The following DPH6 variants were observed in gnomAD, a reference collection of about 807,000 sequenced individuals.
DPH6 encodes diphthine--ammonia ligase.
A neutral mutation model predicts 38.2 loss-of-function variants in DPH6; 33 were observed. The observed-to-expected ratio is 0.86, with a 90% CI of 0.65 to 1.15. The LOEUF (loss-of-function observed/expected upper bound fraction) is 1.15. DPH6 is among the 50% of genes most tolerant of loss of function. DPH6 has a pLI of 0.00. For missense variants in DPH6, 325 were observed against 320.0 expected (o/e 1.02, Z -0.12); for synonymous variants, 108 against 103.0 (o/e 1.05, Z -0.30).
chr15:35,485,662 G>A (rs1018177443), intron 3 of DPH6, among the ~76,000 whole-genome samples: 13 of 152,118 alleles, frequency 8.5e-5, no homozygotes, highest in Admixed American at 2.6e-4. Context: ...TATTTTCCCT[G>A]TGTCAAAGTC....
chr15:35,479,826 C>T lies in DPH6; in HGVS notation c.313-25006G>A, dbSNP rs192825666. On this transcript the variant is annotated intron_variant, in intron 3 of 8. Coordinates refer to ENST00000256538, the MANE Select transcript of DPH6 (RefSeq NM_080650.4). ...TAACAGATTATTTAAATAAAAAGCACGATTTACACATATTAAAAATTCTAA... is the reference window on the plus strand; with the variant it reads ...TAACAGATTATTTAAATAAAAAGCATGATTTACACATATTAAAAATTCTAA... Among the ~76,000 whole-genome samples, 73 of 151,958 alleles carry T rather than the reference C, an allele frequency of 4.8e-4. 1 individual carries two copies. In the East Asian group the frequency reaches 8.5e-3, roughly 18 times the overall value.
chr15:35,233,808 C>T (rs1177019879), intron 3 of DPH6, among the ~76,000 whole-genome samples: 2 of 152,228 alleles, frequency 1.3e-5, no homozygotes, highest in Admixed American at 6.5e-5. Flanking sequence ...TTTATTCCTA[C>T]TTCTTGCAGT....
the DPH6 span, among the ~76,000 whole-genome samples, chr15:35,190,765 C>T: frequency 8.9e-4 from 135 of 152,318 alleles, 1 homozygote; most frequent in African/African-American, 3.1e-3. Flanking sequence ...AAACTGTAAA[C>T]TAAATTCCTC....
At chr15:35,373,316 T>G (rs1595507509) in intron 8 of DPH6, among the ~76,000 whole-genome samples, 1 of 151,970 alleles carries the variant, frequency 6.6e-6, no homozygotes, top group African/African-American at 2.4e-5. Context: ...TTCATAAATG[T>G]AGTATCTTTT....
intron 3 of DPH6, among the ~76,000 whole-genome samples, chr15:35,343,880 G>A (rs1207790408): frequency 1.3e-5 from 2 of 151,978 alleles, no homozygotes; most frequent in East Asian, 3.9e-4. Context: ...TCTAACATTT[G>A]TTTCACATGT....
At chr15:35,358,044 T>G (rs985853943) in intron 3 of DPH6, among the ~76,000 whole-genome samples, 1 of 152,076 alleles carries the variant, frequency 6.6e-6, no homozygotes, top group Admixed American at 6.5e-5. Flanking sequence ...GGTTGTTTAA[T>G]GTAATCCCAG....
chr15:35,542,312 G>GT, intron 2 of DPH6, 101 bp downstream of exon 2: 2 of 984,670 alleles, frequency 2.0e-6, no homozygotes, highest in South Asian at 4.3e-5. Context: ...ATATTTATTG[G>GT]TTCTTTTTTT....
At position 35,373,565 on chromosome 15, in the gene DPH6, G is replaced by T; in HGVS notation, c.706C>A (p.Pro236Thr). Reference sequence around the variant, plus strand: ...TCTAAAAAGCGTAGATAAGCCACAGGTGCAAATGCATCAGCTGAATGTATG... The same window carrying T: ...TCTAAAAAGCGTAGATAAGCCACAGTTGCAAATGCATCAGCTGAATGTATG... ...VVIHSADAFA[P>T]VAYLRFLELH... Residue 236 changes from proline to threonine, a missense_variant, in exon 8 of 9, where the codon CCT becomes ACT. Transcript: ENST00000256538. 1 of 1,608,748 alleles carries T rather than the reference G, an allele frequency of 6.2e-7. No individual in the cohort carries two copies. The highest frequency in any genetic ancestry group is 1.7e-5 in the Admixed American group (1 of 59,096).
rs182638822 is a variant in DPH6 at position 35,243,434 on chromosome 15, T to C, written n.201-22852A>G. Among the ~76,000 whole-genome samples, 705 of 143,606 alleles carry C rather than the reference T, an allele frequency of 4.9e-3. 69 individuals are homozygous for C. Among genetic ancestry groups the C allele is most frequent in the African/African-American group, 0.017 (680 of 39,634 alleles). The allele number at this position is 143,606 out of a possible 152,430, so 94.2% of individuals were successfully genotyped here. A position where few individuals can be genotyped will look rare whatever the true frequency, so the allele number is the denominator to read the frequency against. ...GGCCTCTGAGCCCAAGCCAAGCCATTGCATCCCCTGTGACTTGCACGTATA... is the reference window on the plus strand; with the variant it reads ...GGCCTCTGAGCCCAAGCCAAGCCATCGCATCCCCTGTGACTTGCACGTATA... On this transcript the variant is annotated intron_variant and non_coding_transcript_variant, in intron 3 of 3. Transcript: ENST00000560386.
chr15:35,310,992 G>A (rs2052136784), intron 3 of DPH6, among the ~76,000 whole-genome samples: 1 of 151,750 alleles, frequency 6.6e-6, no homozygotes, highest in African/African-American at 2.4e-5. Context: ...CCGGGAGGAG[G>A]AGGTTGCAGT....
rs1368595350 is a variant in DPH6 at position 35,281,331 on chromosome 15, A to G, written n.201-60749T>C. On this transcript the variant is annotated intron_variant and non_coding_transcript_variant, in intron 3 of 3. Coordinates refer to the DPH6 transcript ENST00000560386. ...AAACCATTCTAAAAATAATTATGGTATATCACCCAAATAGCTCACAAAATT... is the reference window on the plus strand; with the variant it reads ...AAACCATTCTAAAAATAATTATGGTGTATCACCCAAATAGCTCACAAAATT... Among the ~76,000 whole-genome samples the G allele has an allele frequency of 2.6e-5, 4 of 152,338 alleles. No homozygotes were observed. In the South Asian group the frequency reaches 8.3e-4, roughly 32 times the overall value.
chr15:35,182,355 T>C, the DPH6 span, among the ~76,000 whole-genome samples: 1 of 151,196 alleles, frequency 6.6e-6, no homozygotes, highest in Non-Finnish European at 1.5e-5. Context: ...TAATGTGCAA[T>C]TCTGGCTGAA....
intron 3 of DPH6, among the ~76,000 whole-genome samples, chr15:35,325,691 G>A (rs1379758137): frequency 6.6e-6 from 1 of 152,038 alleles, no homozygotes; most frequent in African/African-American, 2.4e-5. Context: ...TCTTAAAGAG[G>A]ACATTGAAAA....
At chr15:35,206,102 G>A in the DPH6 span, among the ~76,000 whole-genome samples, 3 of 152,090 alleles carry the variant, frequency 2.0e-5, no homozygotes, top group Non-Finnish European at 4.4e-5. Context: ...GTAACTTTGT[G>A]ATTGCGAAAA....
At chr15:35,343,798 C>T (rs1285991469) in intron 3 of DPH6, among the ~76,000 whole-genome samples, 1 of 151,824 alleles carries the variant, frequency 6.6e-6, no homozygotes, top group Non-Finnish European at 1.5e-5. Flanking sequence ...TGTAGAAAAA[C>T]TGTAAAAATA....
At chr15:35,336,879 T>G (rs1443098950) in intron 3 of DPH6, among the ~76,000 whole-genome samples, 2 of 152,160 alleles carry the variant, frequency 1.3e-5, no homozygotes, top group African/African-American at 4.8e-5. Context: ...TGCATCAATG[T>G]TCATCAAGGA....
intron 3 of DPH6, among the ~76,000 whole-genome samples, chr15:35,340,815 T>C (rs185330566): frequency 6.0e-4 from 91 of 152,268 alleles, no homozygotes; most frequent in African/African-American, 2.1e-3. Flanking sequence ...TGACATTTTT[T>C]CTTTCATTTT....
At chr15:35,190,099 T>A in the DPH6 span, among the ~76,000 whole-genome samples, 21,366 of 152,072 alleles carry the variant, frequency 0.14, 2,776 homozygotes, top group African/African-American at 0.34. Context: ...GGAAGGCAAT[T>A]GTGTTTCCTT....
At chr15:35,223,117 T>C (rs935328582) in intron 3 of DPH6, among the ~76,000 whole-genome samples, 3 of 152,174 alleles carry the variant, frequency 2.0e-5, no homozygotes, top group African/African-American at 7.2e-5. Flanking sequence ...GGGTAATTTA[T>C]AATGAATGGA....
Sources: allele counts gnomAD v4.1 joint callset (sites outside exome capture counted in the v4.1 genomes callset), GRCh38; gene constraint gnomAD v4.1.1; transcripts MANE v1.5; gene names NCBI Gene and HGNC (gene_info 2026-07-23, HGNC 2026-07-21).